The following SLC35D4 variants were observed in gnomAD, a reference collection of about 807,000 sequenced individuals.
The protein encoded by SLC35D4 is solute carrier family 35 member D4, also known as UDP-N-acetylglucosamine transporter SLC35D4.
chr18:23,378,816 T>C, the SLC35D4 span, among the ~76,000 whole-genome samples: 18 of 150,492 alleles, frequency 1.2e-4, no homozygotes, highest in African/African-American at 4.1e-4. Context: ...ATGAACATAT[T>C]GTTTAGACGT....
At chr18:23,278,961 TG>T in the SLC35D4 span, among the ~76,000 whole-genome samples, 1 of 149,834 alleles carries the variant, frequency 6.7e-6, no homozygotes, top group African/African-American at 2.5e-5. Context: ...TGCCGTGAGC[TG>T]TGACTGTGCC....
the SLC35D4 span, among the ~76,000 whole-genome samples, chr18:23,304,496 CATT>C: frequency 0.13 from 18,725 of 147,390 alleles, 1,354 homozygotes; most frequent in South Asian, 0.23. Context: ...ATATAAATGA[CATT>C]ATATATCTAT....
At chr18:23,373,630 A>G in the SLC35D4 span, 1 of 1,493,342 alleles carries the variant, frequency 6.7e-7, no homozygotes, top group Non-Finnish European at 9.3e-7. Context: ...TCTAAAAGGA[A>G]GGACTAGGAA....
the SLC35D4 span, among the ~76,000 whole-genome samples, chr18:23,424,993 A>G: frequency 6.6e-6 from 1 of 152,258 alleles, no homozygotes; most frequent in Non-Finnish European, 1.5e-5. Context: ...GGCTTGCTCT[A>G]CTACATATTT....
At chr18:23,246,272 A>G in the SLC35D4 span, among the ~76,000 whole-genome samples, 2 of 151,974 alleles carry the variant, frequency 1.3e-5, no homozygotes, top group Non-Finnish European at 2.9e-5. Flanking sequence ...TCTCAAAAAA[A>G]AAAAAGAAAA....
At chr18:23,365,080 T>A in the SLC35D4 span, among the ~76,000 whole-genome samples, 2 of 152,148 alleles carry the variant, frequency 1.3e-5, no homozygotes, top group Admixed American at 6.6e-5. Flanking sequence ...CACTTAATTA[T>A]TTCTTATATT....
the SLC35D4 span, among the ~76,000 whole-genome samples, chr18:23,344,630 C>T: frequency 7.5e-6 from 1 of 133,806 alleles, no homozygotes; most frequent in African/African-American, 2.9e-5. Flanking sequence ...GAGACAGAGT[C>T]TCGCTCTGTC....
chr18:23,294,117 C>T, the SLC35D4 span, among the ~76,000 whole-genome samples: 1 of 151,992 alleles, frequency 6.6e-6, no homozygotes, highest in Non-Finnish European at 1.5e-5. Flanking sequence ...TTTATATCCA[C>T]AGCATATTAG....
At chr18:23,290,040 C>T in the SLC35D4 span, among the ~76,000 whole-genome samples, 19 of 152,280 alleles carry the variant, frequency 1.2e-4, no homozygotes, top group African/African-American at 3.1e-4. Context: ...CACATGGACG[C>T]GCATGAAAGA....
the SLC35D4 span, among the ~76,000 whole-genome samples, chr18:23,357,704 T>G: frequency 2.0e-5 from 3 of 152,248 alleles, no homozygotes; most frequent in African/African-American, 7.2e-5. Flanking sequence ...TGGGCTCCTA[T>G]GCTTTCTTGG....
chr18:23,242,950 AT>A, the SLC35D4 span, among the ~76,000 whole-genome samples: 1 of 151,990 alleles, frequency 6.6e-6, no homozygotes, highest in Non-Finnish European at 1.5e-5. Flanking sequence ...AGAAAGACTA[AT>A]TCAGCCTTCC....
At chr18:23,327,179 G>A in the SLC35D4 span, among the ~76,000 whole-genome samples, 1 of 151,970 alleles carries the variant, frequency 6.6e-6, no homozygotes. Flanking sequence ...ACTAGCAGAA[G>A]GCAAGAAATA....
chr18:23,268,856 A>G, the SLC35D4 span, among the ~76,000 whole-genome samples: 1 of 151,984 alleles, frequency 6.6e-6, no homozygotes, highest in Admixed American at 6.6e-5. Context: ...GCACTTTTGC[A>G]TGGCTTACTT....
At chr18:23,410,905 C>T in the SLC35D4 span, among the ~76,000 whole-genome samples, 1 of 152,168 alleles carries the variant, frequency 6.6e-6, no homozygotes, top group African/African-American at 2.4e-5. Flanking sequence ...TCTAGGATAG[C>T]CAGAGGCCTG....
At chr18:23,385,328 C>A in the SLC35D4 span, among the ~76,000 whole-genome samples, 1 of 152,194 alleles carries the variant, frequency 6.6e-6, no homozygotes, top group Admixed American at 6.5e-5. Flanking sequence ...GCATCCGGTA[C>A]AGAGAACACA....
At chr18:23,371,232 C>G in the SLC35D4 span, among the ~76,000 whole-genome samples, 1 of 151,956 alleles carries the variant, frequency 6.6e-6, no homozygotes, top group African/African-American at 2.4e-5. Context: ...GCAGCTGGGA[C>G]AACAGGCATG....
the SLC35D4 span, among the ~76,000 whole-genome samples, chr18:23,337,508 A>ATGAAATCTGTG: frequency 6.6e-6 from 1 of 152,066 alleles, no homozygotes; most frequent in Admixed American, 6.6e-5. Flanking sequence ...TTTAGAAGTC[A>ATGAAATCTGTG]TGAAATCTGT....
At chr18:23,288,838 G>A in the SLC35D4 span, among the ~76,000 whole-genome samples, 1 of 152,034 alleles carries the variant, frequency 6.6e-6, no homozygotes, top group Non-Finnish European at 1.5e-5. Context: ...ATCCCTTATG[G>A]TCCTGAGTCT....
At chr18:23,316,110 G>A in the SLC35D4 span, among the ~76,000 whole-genome samples, 589 of 152,332 alleles carry the variant, frequency 3.9e-3, 6 homozygotes, top group African/African-American at 0.013. Context: ...ACATGTGAGA[G>A]TTCTCTTCTA....
Sources: gnomAD v4.1 joint callset for allele counts (sites outside exome capture counted in the v4.1 genomes callset) on GRCh38, gnomAD v4.1.1 for gene constraint, MANE v1.5 for transcripts, NCBI Gene and HGNC (gene_info 2026-07-23, HGNC 2026-07-21) for gene names.